LIMS1: variants seen among roughly 807,000 people sequenced by gnomAD.
LIMS1 encodes LIM and senescent cell antigen-like-containing domain protein 1.
In LIMS1, 18 loss-of-function variants were observed where a neutral mutation model predicts 44.1. The observed-to-expected ratio is 0.41, with a 90% CI of 0.28 to 0.61. LIMS1 has a LOEUF of 0.61. Among genes scored for constraint, LIMS1 ranks in the 20% least tolerant of loss-of-function variants. The probability of loss-of-function intolerance (pLI) is 0.32; values close to 1 mark genes in which losing one functional copy is unlikely to be tolerated. For synonymous variants in LIMS1, 93 were observed against 149.1 expected, an observed-to-expected ratio of 0.62 and a Z score of 2.74; for missense variants, 201 against 422.0, an observed-to-expected ratio of 0.48 and a Z score of 4.59.
At chr2:108,623,832 C>T (rs1276370220) in intron 1 of LIMS1, among the ~76,000 whole-genome samples, 1 of 152,184 alleles carries the variant, frequency 6.6e-6, no homozygotes, top group Non-Finnish European at 1.5e-5. Context: ...TAAAATTGGC[C>T]ATGGCCACTG....
intron 1 of LIMS1, among the ~76,000 whole-genome samples, chr2:108,620,892 A>C (rs2148872214): frequency 6.6e-6 from 1 of 152,116 alleles, no homozygotes; most frequent in Non-Finnish European, 1.5e-5. Context: ...GCTCACTATA[A>C]CCAGGCGGTT....
rs567078691 is a variant in LIMS1 at position 108,630,549 on chromosome 2, T to C, written c.33-29056T>C. ...CTTCAGTAATCAAAGGTTTTAAATT[T>C]TTTGAAATACGTATCATGACGAATG... is the stretch of plus-strand genomic sequence containing the variant. On this transcript the variant is annotated intron_variant, in intron 1 of 9. Coordinates refer to ENST00000544547, the Ensembl canonical transcript of LIMS1. Among the ~76,000 whole-genome samples the C allele has an allele frequency of 2.6e-5, 4 of 152,384 alleles. No individual in the cohort carries two copies. In the East Asian group the frequency reaches 7.7e-4, roughly 29 times the overall value.
intron 1 of LIMS1, among the ~76,000 whole-genome samples, chr2:108,559,432 T>TA (rs1167633228): frequency 3.9e-5 from 6 of 152,348 alleles, no homozygotes; most frequent in Admixed American, 2.6e-4. Context: ...CATAATTACT[T>TA]ATGTTCCATA....
chr2:108,670,489 C>T (rs558472138), intron 2 of LIMS1, among the ~76,000 whole-genome samples: 5 of 152,170 alleles, frequency 3.3e-5, no homozygotes, highest in African/African-American at 1.2e-4. Context: ...TCATTAAAGG[C>T]AGGGTATTTG....
intron 1 of LIMS1, among the ~76,000 whole-genome samples, chr2:108,600,890 G>T (rs1026975130): frequency 5.7e-5 from 5 of 87,400 alleles, no homozygotes; most frequent in African/African-American, 1.9e-4. Flanking sequence ...AGAATTGTTC[G>T]TTCTTCTCTT....
At chr2:108,556,234 A>G (rs1473003149) in intron 1 of LIMS1, among the ~76,000 whole-genome samples, 1 of 152,212 alleles carries the variant, frequency 6.6e-6, no homozygotes, top group African/African-American at 2.4e-5. Flanking sequence ...ACTTGGCATA[A>G]TGTCCCCAAG....
At chr2:108,613,181 G>A (rs1383008691) in intron 1 of LIMS1, among the ~76,000 whole-genome samples, 2 of 152,186 alleles carry the variant, frequency 1.3e-5, no homozygotes, top group Non-Finnish European at 2.9e-5. Context: ...GTACTCCAAC[G>A]TCAGTTGTTA....
intron 1 of LIMS1, among the ~76,000 whole-genome samples, chr2:108,609,480 T>TA (rs1188476529): frequency 6.6e-6 from 1 of 152,202 alleles, no homozygotes; most frequent in Non-Finnish European, 1.5e-5. Flanking sequence ...CAGTCATTGC[T>TA]CCTACTGTTT....
At chr2:108,590,776 C>G (rs934399769) in intron 1 of LIMS1, among the ~76,000 whole-genome samples, 12 of 152,304 alleles carry the variant, frequency 7.9e-5, no homozygotes, top group African/African-American at 2.6e-4. Flanking sequence ...AGAATAACAT[C>G]CAGTTTTTAT....
At chr2:108,540,536 G>T (rs1204254606) in intron 1 of LIMS1, among the ~76,000 whole-genome samples, 7 of 152,100 alleles carry the variant, frequency 4.6e-5, no homozygotes, top group Non-Finnish European at 8.8e-5. Flanking sequence ...TGTGGAATTC[G>T]TGGTAGTATT....
intron 1 of LIMS1, among the ~76,000 whole-genome samples, chr2:108,561,237 T>C (rs1685100528): frequency 6.6e-6 from 1 of 152,240 alleles, no homozygotes; most frequent in African/African-American, 2.4e-5. Context: ...ACCAGCAGTG[T>C]ATAGTGTTCC....
chr2:108,612,007 CATATATAT>C (rs1174010855), intron 1 of LIMS1, among the ~76,000 whole-genome samples: 6 of 57,318 alleles, frequency 1.0e-4, no homozygotes, highest in African/African-American at 2.4e-4. Context: ...TATATACACA[CATATATAT>C]ATACACACAC....
chr2:108,554,886 AGAATCTTG>A (rs1251650181), intron 1 of LIMS1, among the ~76,000 whole-genome samples: 2 of 152,194 alleles, frequency 1.3e-5, no homozygotes, highest in African/African-American at 4.8e-5. Flanking sequence ...TTGAAGATGT[AGAATCTTG>A]GGCCCTATCT....
intron 7 of LIMS1, among the ~76,000 whole-genome samples, chr2:108,677,698 T>C (rs1053167741): frequency 2.6e-5 from 4 of 152,176 alleles, no homozygotes; most frequent in Non-Finnish European, 5.9e-5. Context: ...CTCCCGTCTA[T>C]AGGTTTATTC....
chr2:108,637,946 C>A (rs1484087342), intron 1 of LIMS1, among the ~76,000 whole-genome samples: 1 of 151,326 alleles, frequency 6.6e-6, no homozygotes, highest in African/African-American at 2.4e-5. Context: ...AGTCATAGCT[C>A]ACAGGCTCAA....
intron 1 of LIMS1, among the ~76,000 whole-genome samples, chr2:108,642,384 G>T (rs185553511): frequency 8.1e-6 from 1 of 123,202 alleles, no homozygotes; most frequent in African/African-American, 3.2e-5. Context: ...TTTTGAGACG[G>T]AGTCTCGCTC....
At chr2:108,589,386 G>T (rs898203670) in intron 1 of LIMS1, among the ~76,000 whole-genome samples, 1 of 152,086 alleles carries the variant, frequency 6.6e-6, no homozygotes, top group Non-Finnish European at 1.5e-5. Context: ...ATACAATACA[G>T]TATTATTAAT....
At chr2:108,648,513 C>G (rs2148938213) in intron 1 of LIMS1, among the ~76,000 whole-genome samples, 1 of 152,268 alleles carries the variant, frequency 6.6e-6, no homozygotes, top group Non-Finnish European at 1.5e-5. Context: ...CATTCCTAAC[C>G]AAAAAGAACA....
chr2:108,628,835 C>T (rs1688734448), intron 1 of LIMS1, among the ~76,000 whole-genome samples: 1 of 152,196 alleles, frequency 6.6e-6, no homozygotes, highest in Admixed American at 6.5e-5. Flanking sequence ...TTTTCTGAGA[C>T]AGGGTCTTGC....
Sources: gnomAD v4.1 joint callset for allele counts (sites outside exome capture counted in the v4.1 genomes callset) on GRCh38, gnomAD v4.1.1 for gene constraint, MANE v1.5 for transcripts, NCBI Gene and HGNC (gene_info 2026-07-23, HGNC 2026-07-21) for gene names.